The following TRPM1 variants were observed in gnomAD, a reference collection of about 807,000 sequenced individuals.
The protein encoded by TRPM1 is transient receptor potential cation channel subfamily M member 1.
Under a neutral mutation model 149.4 loss-of-function variants are expected in TRPM1, and 113 were observed. The observed-to-expected ratio is 0.76, with a 90% CI of 0.65 to 0.88. The LOEUF is 0.88. Ranked by LOEUF, TRPM1 falls within the 40% of genes least tolerant of loss-of-function variation. The pLI is 0.00. For missense variants in TRPM1, 1,976 were observed against 2,038.7 expected (o/e 0.97, Z 0.59); for synonymous variants, 741 against 759.5 (o/e 0.98, Z 0.40).
Position 31,067,153 on chromosome 15 carries a change from G to A in TRPM1, c.528C>T (p.Asp176=), listed in dbSNP as rs748734831. 1.9e-6 allele frequency: 3 copies of A among 1,614,088 alleles called. No homozygotes were observed. ...CCCGGCCTCTGGACTTGGAGGAGTGGTCTTTCAAGGCATCCCCTACGTGGC... is the reference window on the plus strand; with the variant it reads ...CCCGGCCTCTGGACTTGGAGGAGTGATCTTTCAAGGCATCCCCTACGTGGC... ...VISHVGDALK[D]HSSKSRGRVC... is the part of the protein sequence containing the mutation. Residue 176 remains aspartate, a synonymous_variant, in exon 6 of 28, where the codon GAC becomes GAT. Transcript: ENST00000256552.
chr15:31,013,687 G>A (rs1482048428), intron 27 of TRPM1, among the ~76,000 whole-genome samples: 1 of 152,080 alleles, frequency 6.6e-6, no homozygotes, highest in East Asian at 1.9e-4. Context: ...TCCCCTCTCA[G>A]GCTTGTTGTT....
intron 24 of TRPM1, 150 bp downstream of exon 24, chr15:31,029,221 T>C: frequency 1.3e-6 from 1 of 764,712 alleles, no homozygotes; most frequent in East Asian, 2.7e-5. Flanking sequence ...GTGGTTCTCT[T>C]TACTTTTTAC....
chr15:31,128,991 A>G (rs1462650993), intron 1 of TRPM1, among the ~76,000 whole-genome samples: 4 of 152,198 alleles, frequency 2.6e-5, no homozygotes, highest in Non-Finnish European at 5.9e-5. Flanking sequence ...GCCAGTGCTG[A>G]TGGCCACATG....
chr15:31,022,510 C>T (rs1397463767), intron 27 of TRPM1, among the ~76,000 whole-genome samples: 2 of 152,058 alleles, frequency 1.3e-5, no homozygotes, highest in Admixed American at 6.5e-5. Flanking sequence ...TGTTCTTATC[C>T]CACCAGCCCT....
At position 31,042,055 on chromosome 15, in the gene TRPM1, C is replaced by T; in HGVS notation, c.1983G>A (p.Met661Ile). The change falls in exon 17 of 28, where the codon ATG becomes ATA. Residue 661 changes from methionine to isoleucine, a missense_variant. Transcript: ENST00000256552. Reference sequence around the variant, plus strand: ...GCTTGCAGGCCACCAGGGCCTTGGCCATGCTCTCTTCCCCTCGCTGCCAGA... The same window carrying T: ...GCTTGCAGGCCACCAGGGCCTTGGCTATGCTCTCTTCCCCTCGCTGCCAGA... ...VFLWQRGEESMAKALVACKLY... is the reference protein window; with the variant it reads ...VFLWQRGEESIAKALVACKLY... 1 of 1,614,118 alleles carries T rather than the reference C, an allele frequency of 6.2e-7. No homozygotes were observed. The highest frequency in any genetic ancestry group is 8.5e-7 in the Non-Finnish European group (1 of 1,179,956).
intron 11 of TRPM1, among the ~76,000 whole-genome samples, chr15:31,055,143 C>T (rs562494779): frequency 5.8e-4 from 89 of 152,290 alleles, no homozygotes; most frequent in Non-Finnish European, 1.0e-3. Context: ...TATAGATTCA[C>T]AGGCACATCC....
chr15:31,088,901 G>A (rs2035112752), intron 1 of TRPM1, among the ~76,000 whole-genome samples: 1 of 152,004 alleles, frequency 6.6e-6, no homozygotes, highest in African/African-American at 2.4e-5. Flanking sequence ...ATCAGTGTTT[G>A]CCTACCAGAA....
At chr15:31,068,759 A>G (rs1185675779) in intron 4 of TRPM1, among the ~76,000 whole-genome samples, 1 of 150,580 alleles carries the variant, frequency 6.6e-6, no homozygotes, top group Admixed American at 6.6e-5. Flanking sequence ...AAAAAAAAAA[A>G]AAAAAAAAAA....
chr15:31,028,288 C>T (rs761917999), intron 25 of TRPM1, 44 bp downstream of exon 25: 2 of 1,612,354 alleles, frequency 1.2e-6, no homozygotes, highest in South Asian at 2.2e-5. Flanking sequence ...AAAATCTGTA[C>T]AGTAATAAAT....
chr15:31,012,247 T>C (rs945426802), intron 27 of TRPM1, among the ~76,000 whole-genome samples: 1 of 152,250 alleles, frequency 6.6e-6, no homozygotes, highest in Admixed American at 6.5e-5. Flanking sequence ...TATTGTCTTA[T>C]GTCTTTTCAT....
chr15:31,010,740 T>C (rs1303786733), intron 27 of TRPM1, among the ~76,000 whole-genome samples: 2 of 152,204 alleles, frequency 1.3e-5, no homozygotes, highest in African/African-American at 2.4e-5. Flanking sequence ...AAAATGAATA[T>C]ATATTTTGCT....
chr15:31,138,269 A>T (rs1042140203), intron 1 of TRPM1, among the ~76,000 whole-genome samples: 1 of 152,130 alleles, frequency 6.6e-6, no homozygotes, highest in Non-Finnish European at 1.5e-5. Context: ...AGAGCCTGCC[A>T]GCCCTCTGAC....
rs200374755 is a variant in TRPM1 at position 31,063,118 on chromosome 15, C to G, written c.965G>C (p.Gly322Ala). 1.2e-6 allele frequency: 2 copies of G among 1,614,214 alleles called. No individual in the cohort carries two copies. The highest frequency in any genetic ancestry group is 1.7e-6 in the Non-Finnish European group (2 of 1,180,036). The change falls in exon 8 of 28, where the codon GGA becomes GCA. Residue 322 changes from glycine (G) to alanine (A), a missense_variant and splice_region_variant. Coordinates refer to ENST00000256552, the MANE Select transcript of TRPM1 (RefSeq NM_001252024.2). ...CTTCCTCGCGCGTCAGAAATCCTAC[C>G]CGCCTTCTTCACAGTACTTGTGCGC... is the stretch of plus-strand genomic sequence containing the variant. ...SFAHKYCEEG[G>A]IINESLREQL...
chr15:31,124,738 A>T (rs537381023), intron 1 of TRPM1, among the ~76,000 whole-genome samples: 9 of 151,930 alleles, frequency 5.9e-5, no homozygotes, highest in Admixed American at 5.9e-4. Flanking sequence ...TTATAGAGAC[A>T]TTAAAAAGAT....
At position 31,026,159 on chromosome 15, in the gene TRPM1, G is replaced by T. The variant is rs763388321; in HGVS notation, c.3609C>A (p.Arg1203=). 6.2e-7 allele frequency: 1 copy of T among 1,612,062 alleles called. No individual in the cohort carries two copies. The highest frequency in any genetic ancestry group is 8.5e-7 in the Non-Finnish European group (1 of 1,180,032). The change falls in exon 27 of 28, where the codon CGC becomes CGA. Residue 1203 remains arginine, a synonymous_variant. Coordinates refer to ENST00000256552, the MANE Select transcript of TRPM1 (RefSeq NM_001252024.2). ...CGTACCTTTCAGAAGTGACCCGGATGCGCTCGTCGCTGGACGACTGCTGCT... is the reference window on the plus strand; with the variant it reads ...CGTACCTTTCAGAAGTGACCCGGATTCGCTCGTCGCTGGACGACTGCTGCT... ...EDEQQSSSDE[R]IRVTSERVEN...
At chr15:31,095,054 C>T (rs1414093477) in intron 1 of TRPM1, among the ~76,000 whole-genome samples, 2 of 152,266 alleles carry the variant, frequency 1.3e-5, no homozygotes, top group African/African-American at 4.8e-5. Flanking sequence ...GAACGAAGTT[C>T]TGAAGCATGC....
chr15:31,026,185 C>T lies in TRPM1; in HGVS notation c.3583G>A (p.Glu1195Lys). 6.2e-7 allele frequency: 1 copy of T among 1,612,454 alleles called. No individual in the cohort carries two copies. Among genetic ancestry groups the T allele is most frequent in the Non-Finnish European group, 8.5e-7 (1 of 1,180,032 alleles). The change falls in exon 27 of 28, where the codon GAG becomes AAG. Residue 1195 changes from glutamate (E) to lysine (K), a missense_variant. By Grantham distance (56) the Glu-to-Lys change is moderately conservative. Transcript: ENST00000256552. ...VQEHFREKED[E>K]QQSSSDERIR... is the part of the protein sequence containing the mutation. Reference sequence around the variant, plus strand: ...CGCTCGTCGCTGGACGACTGCTGCTCATCCTCCTTCTCCCGGAAGTGCTCC... The same window carrying T: ...CGCTCGTCGCTGGACGACTGCTGCTTATCCTCCTTCTCCCGGAAGTGCTCC...
chr15:31,070,245 C>T lies in TRPM1; in HGVS notation c.84-19G>A. ...GCAACACCTGAAAACAAAGGCAAAG[C>T]AGGGTCTTTCTACAACAATCTCCCC... On this transcript the variant is annotated intron_variant, in intron 3 of 27. Coordinates refer to ENST00000256552, the MANE Select transcript of TRPM1 (RefSeq NM_001252024.2). The T allele has an allele frequency of 6.3e-7, 1 of 1,599,226 alleles. No individual in the cohort carries two copies. Among genetic ancestry groups the T allele is most frequent in the Non-Finnish European group, 8.6e-7 (1 of 1,168,634 alleles).
rs79224370 is a variant in TRPM1 at position 31,089,931 on chromosome 15, G to A, written c.-83-8493C>T. 3.6e-3 allele frequency among the ~76,000 whole-genome samples: 553 copies of A among 152,290 alleles called. 3 individuals carry two copies. The highest frequency in any genetic ancestry group is 6.8e-3 in the Middle Eastern group (2 of 294). On this transcript the variant is annotated intron_variant, in intron 1 of 27. Transcript: ENST00000256552. ...ATCCTGGGTTGGCCGGGAGCACCGT[G>A]TGGGGGTGGGAAGTGACTACGGTGT...
Sources: allele counts gnomAD v4.1 joint callset (sites outside exome capture counted in the v4.1 genomes callset), GRCh38; gene constraint gnomAD v4.1.1; transcripts MANE v1.5; gene names NCBI Gene and HGNC (gene_info 2026-07-23, HGNC 2026-07-21).